The following TAOK3 variants were observed in gnomAD, a reference collection of about 807,000 sequenced individuals.
The protein encoded by TAOK3 is TAO kinase 3, also known as serine/threonine-protein kinase TAO3.
A neutral mutation model predicts 120.4 loss-of-function variants in TAOK3; 40 were observed. The observed-to-expected ratio is 0.33, with a 90% CI of 0.26 to 0.43. The LOEUF (loss-of-function observed/expected upper bound fraction) is 0.43, where lower values mean the gene tolerates loss of function less well. Among genes scored for constraint, TAOK3 ranks in the 20% least tolerant of loss-of-function variants. The pLI, the probability that TAOK3 is intolerant of heterozygous loss-of-function variation, is 1.00. For synonymous variants in TAOK3, 355 were observed against 387.5 expected (o/e 0.92, Z 0.99); for missense variants, 821 against 1,112.1 (o/e 0.74, Z 3.72).
Position 118,160,181 on chromosome 12 carries a change from C to T in TAOK3, c.2317G>A (p.Glu773Lys). The change falls in exon 19 of 21, where the codon GAA becomes AAA. Residue 773 changes from glutamate (E) to lysine (K), a missense_variant. Around this residue, in one of 2 missense-constraint regions of TAOK3, gnomAD observed 354 missense variants for 572.1 expected, o/e 0.62. Coordinates refer to ENST00000392533, the MANE Select transcript of TAOK3 (RefSeq NM_016281.4). The surrounding 1 kb of genome is among the most constrained non-coding windows in gnomAD (Gnocchi z 4.2). Reference protein sequence around the residue: ...RKLAILAEQYEQSINEMMASQ... With the variant: ...RKLAILAEQYKQSINEMMASQ... ...GCCATCATTTCATTTATACTCTGTTCATACTGCTCTGCCAAAATGGCAAGT... is the reference window on the plus strand; with the variant it reads ...GCCATCATTTCATTTATACTCTGTTTATACTGCTCTGCCAAAATGGCAAGT... The T allele has an allele frequency of 1.9e-6, 3 of 1,614,218 alleles. No homozygotes were observed. The highest frequency in any genetic ancestry group is 2.5e-6 in the Non-Finnish European group (3 of 1,180,046).
chr12:118,172,693 T>C, intron 16 of TAOK3, 33 bp from the exon 17 acceptor site: 1 of 1,588,998 alleles, frequency 6.3e-7, no homozygotes, highest in Non-Finnish European at 8.6e-7. Context: ...AAGCCAGCCT[T>C]ACTAAATGAA....
chr12:118,292,099 G>A (rs912603333), intron 1 of TAOK3, among the ~76,000 whole-genome samples: 1 of 152,078 alleles, frequency 6.6e-6, no homozygotes. Flanking sequence ...GAGCCACTGC[G>A]CCCAACCCCA....
intron 1 of TAOK3, among the ~76,000 whole-genome samples, chr12:118,361,983 C>T (rs1457525324): frequency 6.6e-6 from 1 of 151,904 alleles, no homozygotes; most frequent in East Asian, 1.9e-4. Context: ...ACTGATGGTG[C>T]GAATGTAAAT....
intron 16 of TAOK3, among the ~76,000 whole-genome samples, chr12:118,173,444 A>G (rs889636961): frequency 1.3e-5 from 2 of 152,204 alleles, no homozygotes; most frequent in African/African-American, 4.8e-5. Context: ...GGGAGAACAG[A>G]ATGAAGGAGG....
intron 3 of TAOK3, among the ~76,000 whole-genome samples, chr12:118,245,893 T>C (rs1257813602): frequency 2.6e-5 from 4 of 152,222 alleles, no homozygotes; most frequent in Non-Finnish European, 4.4e-5. Flanking sequence ...AAATATGATA[T>C]GACCATATAA....
chr12:118,342,029 CA>C (rs1368067927), intron 1 of TAOK3, among the ~76,000 whole-genome samples: 1 of 151,890 alleles, frequency 6.6e-6, no homozygotes, highest in Non-Finnish European at 1.5e-5. Context: ...TCTCAAAAAA[CA>C]AAAAACAAAC....
At chr12:118,181,755 G>T (rs2036739376) in intron 14 of TAOK3, 148 bp from the exon 15 acceptor site, 2 of 668,764 alleles carry the variant, frequency 3.0e-6, no homozygotes, top group African/African-American at 1.8e-5. Context: ...CCCGTAGGGG[G>T]CACTGTGCTA....
chr12:118,203,871 A>G (rs1345556504), intron 11 of TAOK3, among the ~76,000 whole-genome samples: 1 of 152,188 alleles, frequency 6.6e-6, no homozygotes, highest in African/African-American at 2.4e-5. Context: ...ACAAATAATA[A>G]TAAAACAGGT....
chr12:118,322,089 C>T (rs1002121563), intron 1 of TAOK3, among the ~76,000 whole-genome samples: 24 of 151,906 alleles, frequency 1.6e-4, no homozygotes, highest in Non-Finnish European at 2.4e-4. Context: ...CAGAGGCAGG[C>T]GGATCACTTG....
intron 1 of TAOK3, among the ~76,000 whole-genome samples, chr12:118,334,466 T>G (rs2044280433): frequency 6.6e-6 from 1 of 152,124 alleles, no homozygotes; most frequent in Non-Finnish European, 1.5e-5. Context: ...TAGGGAGAAA[T>G]GGGGAGTTGC....
At chr12:118,298,286 TA>T (rs1374472860) in intron 1 of TAOK3, among the ~76,000 whole-genome samples, 8 of 152,198 alleles carry the variant, frequency 5.3e-5, no homozygotes. Context: ...AGCATCTTGT[TA>T]AAATGCAGAT....
At chr12:118,186,837 T>C (rs2037107490) in intron 14 of TAOK3, among the ~76,000 whole-genome samples, 1 of 152,192 alleles carries the variant, frequency 6.6e-6, no homozygotes, top group Admixed American at 6.5e-5. Context: ...CAAATCCAAC[T>C]GTGCAGCAGT....
At position 118,179,958 on chromosome 12, in the gene TAOK3, T is replaced by C. The variant is rs527613447; in HGVS notation, c.1566+1413A>G. ...ACCATGCCTGGCTGGTTTTTTTTTT[T>C]TTTTTGGAGATGAAGTCTCGCTCTT... On this transcript the variant is annotated intron_variant, in intron 15 of 20. Coordinates refer to ENST00000392533, the MANE Select transcript of TAOK3 (RefSeq NM_016281.4). Among the ~76,000 whole-genome samples the C allele has an allele frequency of 1.4e-4, 20 of 146,572 alleles. No individual in the cohort carries two copies. In the East Asian group the frequency reaches 3.8e-3, roughly 28 times the overall value.
chr12:118,305,220 C>T (rs2043007850), intron 1 of TAOK3, among the ~76,000 whole-genome samples: 1 of 152,134 alleles, frequency 6.6e-6, no homozygotes, highest in Non-Finnish European at 1.5e-5. Context: ...GTGGTTTATG[C>T]CTGTAATCCC....
At chr12:118,203,597 G>A (rs1449897299) in intron 11 of TAOK3, among the ~76,000 whole-genome samples, 1 of 151,816 alleles carries the variant, frequency 6.6e-6, no homozygotes, top group Non-Finnish European at 1.5e-5. Context: ...CCAGCTACTC[G>A]GGATGCTGAG....
At chr12:118,343,068 C>T (rs1177076526) in intron 1 of TAOK3, among the ~76,000 whole-genome samples, 1 of 150,322 alleles carries the variant, frequency 6.7e-6, no homozygotes, top group Non-Finnish European at 1.5e-5. Context: ...CCTGCTACAT[C>T]TATTGGCAAA....
chr12:118,272,305 A>AAAAAAG (rs1357620101), intron 1 of TAOK3, among the ~76,000 whole-genome samples: 9 of 148,738 alleles, frequency 6.1e-5, no homozygotes, highest in Admixed American at 1.4e-4. Context: ...AAAAAAAAAA[A>AAAAAAG]AAAGAAAGAA....
At chr12:118,173,919 A>T (rs1226615183) in intron 16 of TAOK3, among the ~76,000 whole-genome samples, 1 of 152,250 alleles carries the variant, frequency 6.6e-6, no homozygotes, top group African/African-American at 2.4e-5. Flanking sequence ...AAGTCTCTGT[A>T]AATCAACTTT....
intron 1 of TAOK3, among the ~76,000 whole-genome samples, chr12:118,347,040 C>A (rs1253552462): frequency 6.6e-6 from 1 of 152,056 alleles, no homozygotes; most frequent in African/African-American, 2.4e-5. Context: ...GCTCTGTCAC[C>A]CAGGCTAGAG....
Sources: gnomAD v4.1 joint callset for allele counts (sites outside exome capture counted in the v4.1 genomes callset) on GRCh38, gnomAD v4.1.1 for gene constraint, gnomAD v4.1.1 regional missense constraint, Gnocchi (gnomAD v3.1) non-coding constraint, MANE v1.5 for transcripts, NCBI Gene and HGNC (gene_info 2026-07-23, HGNC 2026-07-21) for gene names.